The following TMEM132D variants were observed in gnomAD, a reference collection of about 807,000 sequenced individuals.
TMEM132D encodes transmembrane protein 132D.
TMEM132D carries 21 observed loss-of-function variants against 62.3 expected under a neutral mutation model. The ratio of observed to expected loss-of-function variants is 0.34; its 90% confidence interval spans 0.24 to 0.49. The LOEUF (loss-of-function observed/expected upper bound fraction) is 0.49. TMEM132D is among the 20% of genes least tolerant of loss of function. TMEM132D has a pLI of 0.99. For synonymous variants in TMEM132D, 621 were observed against 575.6 expected, an observed-to-expected ratio of 1.08 and a Z score of -1.13; for missense variants, 1,346 against 1,402.8, an observed-to-expected ratio of 0.96 and a Z score of 0.65.
intron 3 of TMEM132D, among the ~76,000 whole-genome samples, chr12:129,374,095 G>A (rs989771609): frequency 2.6e-5 from 4 of 152,204 alleles, no homozygotes; most frequent in African/African-American, 9.7e-5. Context: ...TGCTGTCTTA[G>A]TCAGTTAGAG....
At chr12:129,079,041 C>A (rs889401704) in intron 7 of TMEM132D, among the ~76,000 whole-genome samples, 13 of 152,292 alleles carry the variant, frequency 8.5e-5, no homozygotes, top group African/African-American at 3.1e-4. Flanking sequence ...CGTTTTCATT[C>A]GACTATTAGC....
At chr12:129,318,638 T>C (rs913309211) in intron 4 of TMEM132D, among the ~76,000 whole-genome samples, 1 of 152,072 alleles carries the variant, frequency 6.6e-6, no homozygotes, top group African/African-American at 2.4e-5. Flanking sequence ...GTTGTAGTAG[T>C]GTGGAGAGGG....
In TMEM132D at chr12:129,295,187, CCACTACGGAACACTGCTGGCTAGA is replaced by C. The variant is rs1404893698; in HGVS notation, c.1299+42423_1299+42446del. On this transcript the variant is annotated intron_variant, in intron 4 of 8. Transcript: ENST00000422113. ...TTCTTTGTAGTTCCACAGAAGACGA[CCACTACGGAACACTGCTGGCTAGA>C]CACTACGGAACACTGCTGGCTAGAC... 2.1e-3 allele frequency among the ~76,000 whole-genome samples: 324 copies of C among 152,150 alleles called. 1 individual carries two copies. The highest frequency in any genetic ancestry group is 0.017 in the Middle Eastern group (5 of 294).
rs576990140 is a variant in TMEM132D at position 129,635,296 on chromosome 12, A to G, written c.968+64514T>C. On this transcript the variant is annotated intron_variant, in intron 2 of 8. Coordinates refer to ENST00000422113, the MANE Select transcript of TMEM132D (RefSeq NM_133448.3). ...CTTTCTCTCTCTTTTTTGAGAGCTG[A>G]TGTCTATAACTTGATCTCTGTTGGG... 2.6e-5 allele frequency among the ~76,000 whole-genome samples: 4 copies of G among 152,306 alleles called. No individual in the cohort carries two copies. In the South Asian group the frequency reaches 8.3e-4, roughly 32 times the overall value.
At chr12:129,199,123 T>G (rs1878624374) in intron 5 of TMEM132D, among the ~76,000 whole-genome samples, 1 of 147,460 alleles carries the variant, frequency 6.8e-6, no homozygotes, top group East Asian at 2.0e-4. Flanking sequence ...TTTTTTTTTT[T>G]TTTTGAAACA....
chr12:129,276,341 T>C (rs1338636425), intron 4 of TMEM132D, among the ~76,000 whole-genome samples: 1 of 152,250 alleles, frequency 6.6e-6, no homozygotes, highest in East Asian at 1.9e-4. Flanking sequence ...AACGTTATAC[T>C]GTCAAAGCGT....
intron 2 of TMEM132D, among the ~76,000 whole-genome samples, chr12:129,540,288 ACACCAGCCAGGAGC>A (rs1299477564): frequency 1.1e-4 from 16 of 152,118 alleles, no homozygotes; most frequent in Non-Finnish European, 2.1e-4. Context: ...AAGGGGCTGC[ACACCAGCCAGGAGC>A]TGTGCCAGTG....
intron 5 of TMEM132D, among the ~76,000 whole-genome samples, chr12:129,091,976 C>G (rs1345709439): frequency 6.6e-6 from 1 of 152,204 alleles, no homozygotes; most frequent in African/African-American, 2.4e-5. Flanking sequence ...TCTAGGTGAG[C>G]CGGCAAGATC....
chr12:129,163,633 C>T (rs1877460469), intron 5 of TMEM132D, among the ~76,000 whole-genome samples: 1 of 152,244 alleles, frequency 6.6e-6, no homozygotes, highest in Non-Finnish European at 1.5e-5. Context: ...GGAGGCTTCC[C>T]TCTCTGCTAT....
intron 2 of TMEM132D, among the ~76,000 whole-genome samples, chr12:129,540,631 G>T (rs11060420): frequency 0.24 from 36,329 of 151,664 alleles, 4,490 homozygotes; most frequent in East Asian, 0.4. Flanking sequence ...GATTACAGGT[G>T]TGTGCCACTA....
At chr12:129,533,723 A>C (rs1055441916) in intron 2 of TMEM132D, among the ~76,000 whole-genome samples, 24 of 152,226 alleles carry the variant, frequency 1.6e-4, no homozygotes, top group Non-Finnish European at 8.8e-5. Flanking sequence ...CACTGTAGCA[A>C]ATGAAGCTAT....
At chr12:129,777,874 C>T (rs1016612532) in intron 1 of TMEM132D, among the ~76,000 whole-genome samples, 2 of 152,172 alleles carry the variant, frequency 1.3e-5, no homozygotes, top group Admixed American at 1.3e-4. Flanking sequence ...TGGCTCACCC[C>T]TGTAATCCCA....
chr12:129,566,596 A>G (rs967604569), intron 2 of TMEM132D, among the ~76,000 whole-genome samples: 1 of 152,136 alleles, frequency 6.6e-6, no homozygotes, highest in African/African-American at 2.4e-5. Flanking sequence ...AAATCAAAGT[A>G]TTTTACCCAC....
chr12:129,662,378 G>A (rs1162021417), intron 2 of TMEM132D, among the ~76,000 whole-genome samples: 2 of 152,178 alleles, frequency 1.3e-5, no homozygotes, highest in Non-Finnish European at 2.9e-5. Flanking sequence ...GAGAAGGAGT[G>A]GCGAGGTTCA....
chr12:129,717,058 G>T, intron 1 of TMEM132D, among the ~76,000 whole-genome samples: 1 of 152,178 alleles, frequency 6.6e-6, no homozygotes. Context: ...GGCCAGTGCA[G>T]TCTCATGGCG....
intron 4 of TMEM132D, among the ~76,000 whole-genome samples, chr12:129,288,702 C>T (rs1182858684): frequency 6.6e-6 from 1 of 152,082 alleles, no homozygotes; most frequent in Non-Finnish European, 1.5e-5. Context: ...GGAGGTTCCT[C>T]AAAAGGATTA....
intron 3 of TMEM132D, among the ~76,000 whole-genome samples, chr12:129,447,396 G>A (rs2135724452): frequency 6.6e-6 from 1 of 152,180 alleles, no homozygotes; most frequent in Admixed American, 6.5e-5. Context: ...AGTGAAAACT[G>A]GTATCGTTTG....
intron 4 of TMEM132D, among the ~76,000 whole-genome samples, chr12:129,248,558 A>T (rs181513454): frequency 1.3e-5 from 2 of 151,118 alleles, no homozygotes; most frequent in Non-Finnish European, 3.0e-5. Context: ...CTCACTTAAA[A>T]TTTTTTTTTA....
intron 4 of TMEM132D, among the ~76,000 whole-genome samples, chr12:129,216,297 T>C (rs1205736996): frequency 1.3e-5 from 2 of 152,236 alleles, no homozygotes; most frequent in Admixed American, 1.3e-4. Context: ...AGATGAATGA[T>C]GACCATGGTG....
Sources: gnomAD v4.1 joint callset for allele counts (sites outside exome capture counted in the v4.1 genomes callset) on GRCh38, gnomAD v4.1.1 for gene constraint, MANE v1.5 for transcripts, NCBI Gene and HGNC (gene_info 2026-07-23, HGNC 2026-07-21) for gene names.